RWDD1: variants seen among roughly 807,000 people sequenced by gnomAD.
RWDD1 encodes RWD domain containing 1.
In RWDD1, 17 loss-of-function variants were observed where a neutral mutation model predicts 31.6. That is an observed-to-expected ratio of 0.54 (90% CI 0.37 to 0.81). RWDD1 has a LOEUF of 0.81. Among genes scored for constraint, RWDD1 ranks in the 30% least tolerant of loss-of-function variants. RWDD1 has a pLI of 0.00. For missense variants in RWDD1, 204 were observed against 274.5 expected (o/e 0.74, Z 1.82); for synonymous variants, 78 against 94.2 (o/e 0.83, Z 0.99).
At chr6:116,575,867 G>A (rs1774830750) in intron 1 of RWDD1, among the ~76,000 whole-genome samples, 1 of 152,218 alleles carries the variant, frequency 6.6e-6, no homozygotes, top group Non-Finnish European at 1.5e-5. Context: ...GAACAGAGAA[G>A]TAAGAGATGG....
intron 2 of RWDD1, among the ~76,000 whole-genome samples, chr6:116,584,146 C>T (rs934552414): frequency 6.6e-5 from 10 of 152,166 alleles, no homozygotes; most frequent in African/African-American, 2.4e-4. Context: ...GTTTTACTTC[C>T]GTACAAGTGT....
chr6:116,589,112 T>C (rs1407246235), intron 4 of RWDD1, 127 bp downstream of exon 4: 1 of 822,908 alleles, frequency 1.2e-6, no homozygotes, highest in African/African-American at 1.8e-5. Flanking sequence ...AAGTAAATTT[T>C]AGTAAAGTTT....
At chr6:116,574,010 G>A in intron 1 of RWDD1, 1 of 983,046 alleles carries the variant, frequency 1.0e-6, no homozygotes, top group Non-Finnish European at 1.2e-6. Context: ...CATTTGTTGT[G>A]ATTATAACAA....
intron 6 of RWDD1, 79 bp downstream of exon 6, chr6:116,591,029 G>A: frequency 2.0e-6 from 3 of 1,476,950 alleles, no homozygotes; most frequent in Non-Finnish European, 2.7e-6. Flanking sequence ...GGAAAGCCAA[G>A]GCAGGAGGAT....
At chr6:116,590,195 A>G in intron 4 of RWDD1, 77 bp from the exon 5 acceptor site, 1 of 730,262 alleles carries the variant, frequency 1.4e-6, no homozygotes. Context: ...TTATATTGAT[A>G]TGTTTAAAAG....
At chr6:116,572,604 C>G (rs575951313) in intron 1 of RWDD1, 11 of 152,458 alleles carry the variant, frequency 7.2e-5, no homozygotes, top group African/African-American at 2.6e-4. Flanking sequence ...ATCAATATGG[C>G]TCCTCTGAGA....
rs1205887753 is a variant in RWDD1 at position 116,574,777 on chromosome 6, C to A, written c.73+3122C>A. On this transcript the variant is annotated intron_variant, in intron 1 of 6. Transcript: ENST00000466444. ...CTCCCCTTCCCTCCCCTCCCCTCCC[C>A]TTCCCTTTTTTGAGACAAGGTCTCA... Among the ~76,000 whole-genome samples the A allele has an allele frequency of 4.1e-5, 6 of 148,134 alleles. No homozygotes were observed. The East Asian group carries it at 1.2e-3, about 30-fold the overall frequency.
At chr6:116,589,760 C>T (rs1234292922) in intron 4 of RWDD1, among the ~76,000 whole-genome samples, 1 of 152,018 alleles carries the variant, frequency 6.6e-6, no homozygotes, top group Non-Finnish European at 1.5e-5. Context: ...TACATGGCAG[C>T]GGCAAGAGAA....
intron 1 of RWDD1, among the ~76,000 whole-genome samples, chr6:116,578,811 T>A (rs1311788388): frequency 6.6e-6 from 1 of 152,228 alleles, no homozygotes; most frequent in Non-Finnish European, 1.5e-5. Context: ...CAGGTGTTCA[T>A]CATTTCTTAA....
At chr6:116,582,605 G>T (rs1266883056) in intron 2 of RWDD1, among the ~76,000 whole-genome samples, 1 of 151,948 alleles carries the variant, frequency 6.6e-6, no homozygotes, top group Non-Finnish European at 1.5e-5. Flanking sequence ...CTTTTATCCT[G>T]TAACTGATAT....
intron 1 of RWDD1, among the ~76,000 whole-genome samples, chr6:116,575,019 C>A (rs556533647): frequency 6.6e-4 from 101 of 152,122 alleles, no homozygotes; most frequent in African/African-American, 2.4e-3. Flanking sequence ...AGTCTCCTGC[C>A]TCCAACTCCC....
At chr6:116,586,035 A>G (rs150961834) in intron 3 of RWDD1, among the ~76,000 whole-genome samples, 1 of 152,242 alleles carries the variant, frequency 6.6e-6, no homozygotes, top group African/African-American at 2.4e-5. Context: ...CTTAATGTAA[A>G]TTATTCAGTC....
chr6:116,582,709 G>A (rs1774968079), intron 2 of RWDD1, among the ~76,000 whole-genome samples: 3 of 151,354 alleles, frequency 2.0e-5, no homozygotes, highest in Admixed American at 6.6e-5. Context: ...TAGCTGTTTC[G>A]TTAGACCTTT....
chr6:116,580,542 A>C (rs906427638), intron 2 of RWDD1, among the ~76,000 whole-genome samples, 182 bp downstream of exon 2: 1 of 152,158 alleles, frequency 6.6e-6, no homozygotes, highest in Non-Finnish European at 1.5e-5. Flanking sequence ...GGAAATAGAG[A>C]GGAAATTAAT....
At chr6:116,573,032 G>A (rs1432446156) in intron 1 of RWDD1, 2 of 975,966 alleles carry the variant, frequency 2.0e-6, no homozygotes, top group African/African-American at 3.5e-5. Flanking sequence ...TTGCTTATAT[G>A]TGTATGTCTA....
chr6:116,590,797 A>G, intron 5 of RWDD1, 91 bp from the exon 6 acceptor site: 1 of 1,469,868 alleles, frequency 6.8e-7, no homozygotes, highest in South Asian at 1.4e-5. Flanking sequence ...TCACAGAAAA[A>G]GAGGTTTTCA....
intron 1 of RWDD1, among the ~76,000 whole-genome samples, chr6:116,579,239 G>C (rs888064811): frequency 6.6e-6 from 1 of 152,198 alleles, no homozygotes; most frequent in African/African-American, 2.4e-5. Context: ...AGGAAAAGTT[G>C]AATAGTTCCC....
chr6:116,572,814 C>T (rs1453346418), intron 1 of RWDD1: 1 of 985,056 alleles, frequency 1.0e-6, no homozygotes, highest in Admixed American at 6.1e-5. Context: ...ACCTTTTGAC[C>T]ACTGCTTGCA....
chr6:116,586,623 A>G (rs561366569), intron 3 of RWDD1, among the ~76,000 whole-genome samples: 36 of 152,188 alleles, frequency 2.4e-4, no homozygotes, highest in Non-Finnish European at 5.0e-4. Flanking sequence ...AATTCTTTCA[A>G]CATTCTTATA....
Sources: allele counts gnomAD v4.1 joint callset (sites outside exome capture counted in the v4.1 genomes callset), GRCh38; gene constraint gnomAD v4.1.1; transcripts MANE v1.5; gene names NCBI Gene and HGNC (gene_info 2026-07-23, HGNC 2026-07-21).